The following STK39 variants were observed in gnomAD, a reference collection of about 807,000 sequenced individuals.
STK39 encodes STE20/SPS1-related proline-alanine-rich protein kinase.
In STK39, 20 loss-of-function variants were observed where a neutral mutation model predicts 77.8. The ratio of observed to expected loss-of-function variants is 0.26; its 90% CI spans 0.18 to 0.37. STK39 has a LOEUF of 0.37. Among genes scored for constraint, STK39 ranks in the 10% least tolerant of loss-of-function variants. The pLI is 1.00. For synonymous variants in STK39, 246 were observed against 234.1 expected (o/e 1.05, Z -0.47); for missense variants, 479 against 656.5 (o/e 0.73, Z 2.95).
chr2:168,131,455 A>G (rs1177563915), intron 8 of STK39, among the ~76,000 whole-genome samples: 1 of 152,220 alleles, frequency 6.6e-6, no homozygotes, highest in Non-Finnish European at 1.5e-5. Context: ...CTTTGGAATC[A>G]GGAAGCTCCA....
chr2:168,143,405 C>T (rs1688045769), intron 5 of STK39, among the ~76,000 whole-genome samples: 7 of 152,160 alleles, frequency 4.6e-5, no homozygotes. Flanking sequence ...ATGTCACAGG[C>T]CTGAGCCCTC....
At chr2:167,998,622 T>TTTTGTTTG (rs144974144) in intron 16 of STK39, among the ~76,000 whole-genome samples, 1 of 151,524 alleles carries the variant, frequency 6.6e-6, no homozygotes, top group Non-Finnish European at 1.5e-5. Flanking sequence ...AGTTGGTGTT[T>TTTTGTTTG]TTTGTTTGTT....
At chr2:167,999,612 A>C (rs562897869) in intron 16 of STK39, among the ~76,000 whole-genome samples, 11 of 151,854 alleles carry the variant, frequency 7.2e-5, no homozygotes, top group Non-Finnish European at 1.3e-4. Flanking sequence ...CAGGCGCCTG[A>C]CACCACGCCC....
chr2:168,189,171 GT>G (rs1689278962), intron 1 of STK39, among the ~76,000 whole-genome samples: 1 of 152,188 alleles, frequency 6.6e-6, no homozygotes, highest in African/African-American at 2.4e-5. Flanking sequence ...ATGTACTTAT[GT>G]TTCACCACTG....
chr2:168,223,993 TA>T (rs1690243623), intron 1 of STK39, among the ~76,000 whole-genome samples: 1 of 152,144 alleles, frequency 6.6e-6, no homozygotes, highest in Non-Finnish European at 1.5e-5. Context: ...CTATTACACA[TA>T]ATTTTTCTTT....
intron 2 of STK39, among the ~76,000 whole-genome samples, chr2:168,174,404 A>C (rs975996972): frequency 6.6e-6 from 1 of 152,196 alleles, no homozygotes; most frequent in African/African-American, 2.4e-5. Context: ...CTAAAAAATT[A>C]AAATTCGCTT....
At chr2:168,028,958 C>T (rs1684768943) in intron 14 of STK39, among the ~76,000 whole-genome samples, 2 of 152,178 alleles carry the variant, frequency 1.3e-5, no homozygotes, top group African/African-American at 4.8e-5. Flanking sequence ...GAGCTGCACA[C>T]ATTGGTACAT....
At chr2:168,114,975 C>G (rs17793453) in intron 10 of STK39, among the ~76,000 whole-genome samples, 123 of 152,280 alleles carry the variant, frequency 8.1e-4, no homozygotes, top group Non-Finnish European at 1.5e-3. Context: ...GGCTTCAATA[C>G]GTTTTACTAC....
intron 15 of STK39, among the ~76,000 whole-genome samples, chr2:168,013,612 C>T (rs975218868): frequency 1.3e-5 from 2 of 152,190 alleles, no homozygotes; most frequent in Non-Finnish European, 2.9e-5. Flanking sequence ...GGCTGTAACA[C>T]TCTAGACGGG....
Position 168,247,589 on chromosome 2 carries a change from AG to A in STK39, c.-155del. The A allele has an allele frequency of 3.0e-6, 1 of 338,248 alleles. No homozygotes were observed. The highest frequency in any genetic ancestry group is 4.4e-6 in the Non-Finnish European group (1 of 229,584). The allele number at this position is 338,248 out of a possible 1,614,324, so 21.0% of individuals were successfully genotyped here. A position where few individuals can be genotyped will look rare whatever the true frequency, so the allele number is the denominator to read the frequency against. The stretch of plus-strand genomic sequence containing the variant: ...CCCCGCCGAAGCCAGCTAGGAGGGG[AG>A]GGAGCAAGGGAGGCCGAGCTGGGCG... On this transcript the variant is annotated 5_prime_UTR_variant, in exon 1 of 18. Coordinates refer to ENST00000355999, the MANE Select transcript of STK39 (RefSeq NM_013233.3).
rs1464080076 is a variant in STK39, at chr2:168,181,994, C to T, written c.305G>A (p.Ser102Asn). The T allele has an allele frequency of 1.2e-6, 2 of 1,613,878 alleles. No homozygotes were observed. The change falls in exon 2 of 18, where the codon AGT (serine) becomes AAT (asparagine). Residue 102 changes from serine (S) to asparagine (N), a missense_variant. Around this residue, in one of 3 missense-constraint regions of STK39, gnomAD observed 139 missense variants for 280.6 expected, o/e 0.50. Coordinates refer to ENST00000355999, the MANE Select transcript of STK39 (RefSeq NM_013233.3). ...GTTACTTACTAATAGTTCATCCATA[C>T]TGGTCTGGCATTTTTCCAAGTTGAT... Reference protein sequence around the residue: ...KRINLEKCQTSMDELLKEIQA... With the variant: ...KRINLEKCQTNMDELLKEIQA...
chr2:168,004,455 G>A (rs1195504117), intron 16 of STK39, among the ~76,000 whole-genome samples: 3 of 152,104 alleles, frequency 2.0e-5, no homozygotes, highest in African/African-American at 7.2e-5. Context: ...ACTATGGGCT[G>A]GGCGCGTTGG....
At chr2:168,201,402 G>C (rs1446978478) in intron 1 of STK39, among the ~76,000 whole-genome samples, 1 of 152,170 alleles carries the variant, frequency 6.6e-6, no homozygotes, top group Non-Finnish European at 1.5e-5. Context: ...ATATTTATGG[G>C]CAGGCCTGGG....
intron 2 of STK39, among the ~76,000 whole-genome samples, chr2:168,176,660 G>A (rs1264510558): frequency 1.3e-5 from 2 of 152,182 alleles, no homozygotes; most frequent in East Asian, 1.9e-4. Context: ...AATATTGTCA[G>A]TGAGTTAGAC....
intron 16 of STK39, among the ~76,000 whole-genome samples, chr2:167,981,249 C>T (rs1225950598): frequency 6.6e-6 from 1 of 152,170 alleles, no homozygotes; most frequent in Non-Finnish European, 1.5e-5. Context: ...TTGAGAAAGT[C>T]TTGCTACCCA....
In STK39 at chr2:168,064,565, A is replaced by T. The variant is rs192221264; in HGVS notation, c.1305+754T>A. ...CAGGCTTCCTGAAGCCAACAAAATC[A>T]CTCTAATTATCTCTCCAATATATGG... On this transcript the variant is annotated intron_variant, in intron 13 of 17. Transcript: ENST00000355999. Among the ~76,000 whole-genome samples, 3 of 152,178 alleles carry T rather than the reference A, an allele frequency of 2.0e-5. No individual in the cohort carries two copies. In the East Asian group the frequency reaches 5.8e-4, roughly 29 times the overall value.
intron 10 of STK39, among the ~76,000 whole-genome samples, chr2:168,115,377 C>A (rs1314303852): frequency 6.6e-6 from 1 of 152,178 alleles, no homozygotes; most frequent in African/African-American, 2.4e-5. Context: ...CATAACACCT[C>A]CCACTTTAAA....
intron 16 of STK39, among the ~76,000 whole-genome samples, chr2:167,966,872 A>C (rs1692173162): frequency 6.6e-6 from 1 of 152,214 alleles, no homozygotes; most frequent in Non-Finnish European, 1.5e-5. Flanking sequence ...AATTTGTTGT[A>C]AAGTGCTATA....
At chr2:168,247,196 T>C in intron 1 of STK39, 32 bp downstream of exon 1, 1 of 1,147,436 alleles carries the variant, frequency 8.7e-7, no homozygotes, top group Non-Finnish European at 1.1e-6. Context: ...GCGCCCGGCC[T>C]GTGCCGGCCC....
Sources: gnomAD v4.1 joint callset for allele counts (sites outside exome capture counted in the v4.1 genomes callset) on GRCh38, gnomAD v4.1.1 for gene constraint, gnomAD v4.1.1 regional missense constraint, MANE v1.5 for transcripts, NCBI Gene and HGNC (gene_info 2026-07-23, HGNC 2026-07-21) for gene names.